Variants in LEKR1 observed in about 807,000 individuals in gnomAD.
LEKR1 encodes the protein protein LEKR1.
A neutral mutation model predicts 72.4 loss-of-function variants in LEKR1; 59 were observed. The observed-to-expected ratio is 0.82, with a 90% CI of 0.66 to 1.01. The LOEUF (loss-of-function observed/expected upper bound fraction) is 1.01. LEKR1 is among the 50% of genes least tolerant of loss of function. The pLI is 0.00. For synonymous variants in LEKR1, 257 were observed against 263.2 expected (o/e 0.98, Z 0.23); for missense variants, 728 against 759.2 (o/e 0.96, Z 0.48).
chr3:156,896,404 G>A (rs944468248), intron 3 of LEKR1, among the ~76,000 whole-genome samples: 2 of 151,958 alleles, frequency 1.3e-5, no homozygotes, highest in Middle Eastern at 3.2e-3. Flanking sequence ...TTAACAGATG[G>A]CTATCTTCTC....
At position 156,979,288 on chromosome 3, in the gene LEKR1, A is replaced by G; in HGVS notation, c.827+13A>G. The G allele has an allele frequency of 8.3e-7, 1 of 1,204,846 alleles. No individual in the cohort carries two copies. 74.6% of individuals were successfully genotyped at this position (1,204,846 alleles called of 1,614,324 possible). ...AAGAAATGCTTATGTAAGATGGAGAATATTAAACAACTTATAACAGTGCTC... is the reference window on the plus strand; with the variant it reads ...AAGAAATGCTTATGTAAGATGGAGAGTATTAAACAACTTATAACAGTGCTC... On this transcript the variant is annotated intron_variant, in intron 7 of 12. Transcript: ENST00000356539.
chr3:156,974,510 G>A (rs916390873), intron 6 of LEKR1, among the ~76,000 whole-genome samples: 1 of 152,066 alleles, frequency 6.6e-6, no homozygotes, highest in Non-Finnish European at 1.5e-5. Context: ...CTGCAATTCA[G>A]TTTTTCTGCT....
chr3:157,012,281 T>C (rs1020892956), intron 10 of LEKR1, among the ~76,000 whole-genome samples: 11 of 152,230 alleles, frequency 7.2e-5, no homozygotes, highest in African/African-American at 2.2e-4. Flanking sequence ...CTGGTATCTA[T>C]GCCTAGCACT....
At chr3:156,833,515 A>C (rs757299385) in intron 2 of LEKR1, among the ~76,000 whole-genome samples, 2 of 152,190 alleles carry the variant, frequency 1.3e-5, no homozygotes, top group Non-Finnish European at 2.9e-5. Flanking sequence ...GTCATATTGA[A>C]ATTATAGGAA....
chr3:157,045,264 T>G (rs1409501722), intron 12 of LEKR1, 76 bp from the exon 13 acceptor site: 1 of 1,232,356 alleles, frequency 8.1e-7, no homozygotes, highest in Non-Finnish European at 1.1e-6. Context: ...GTTCTCAAAT[T>G]GTATTGTCCG....
chr3:156,889,655 G>T (rs976103845), intron 3 of LEKR1, among the ~76,000 whole-genome samples: 1 of 152,140 alleles, frequency 6.6e-6, no homozygotes, highest in Non-Finnish European at 1.5e-5. Context: ...TTGGGAATAT[G>T]TGTAAAGTTA....
intron 10 of LEKR1, among the ~76,000 whole-genome samples, chr3:157,017,948 C>CAAAAAAAAAAA (rs58950224): frequency 4.6e-4 from 38 of 82,832 alleles, no homozygotes; most frequent in African/African-American, 1.5e-3. Context: ...GACTCTGTCT[C>CAAAAAAAAAAA]AAAAAAAAAA....
intron 3 of LEKR1, among the ~76,000 whole-genome samples, chr3:156,911,300 ATTTTC>A (rs1464875487): frequency 7.1e-6 from 1 of 141,170 alleles, no homozygotes; most frequent in Non-Finnish European, 1.5e-5. Flanking sequence ...TTCTCAAAAA[ATTTTC>A]TTTGAGAAAT....
intron 2 of LEKR1, among the ~76,000 whole-genome samples, chr3:156,850,508 TTC>T (rs1333043455): frequency 2.0e-5 from 3 of 152,146 alleles, no homozygotes; most frequent in Admixed American, 1.3e-4. Flanking sequence ...GTTCCTTATT[TTC>T]TCTCTCTTTC....
chr3:156,946,097 C>T (rs1726653661), intron 6 of LEKR1, among the ~76,000 whole-genome samples: 1 of 151,428 alleles, frequency 6.6e-6, no homozygotes. Flanking sequence ...GAATATCTTT[C>T]CATTTTTTTG....
At chr3:157,011,635 C>T (rs957715344) in intron 10 of LEKR1, 129 bp downstream of exon 10, 1 of 670,328 alleles carries the variant, frequency 1.5e-6, no homozygotes, top group Non-Finnish European at 2.6e-6. Flanking sequence ...TCTGGAATTT[C>T]CTAGACCAGA....
intron 4 of LEKR1, among the ~76,000 whole-genome samples, chr3:156,926,265 CAATTT>C (rs1397082081): frequency 6.6e-6 from 1 of 151,892 alleles, no homozygotes; most frequent in East Asian, 1.9e-4. Context: ...GTTTCAAAGA[CAATTT>C]AATCACTTTC....
chr3:157,029,786 C>T (rs1734470744), intron 12 of LEKR1, among the ~76,000 whole-genome samples: 1 of 151,948 alleles, frequency 6.6e-6, no homozygotes. Context: ...TAGTGAATCT[C>T]TAGAGGAGGG....
intron 5 of LEKR1, among the ~76,000 whole-genome samples, chr3:156,934,085 A>G (rs978563540): frequency 6.6e-6 from 1 of 152,220 alleles, no homozygotes; most frequent in Non-Finnish European, 1.5e-5. Flanking sequence ...TGCTCTAGTT[A>G]AAGTTGTCTT....
At chr3:157,027,970 C>A in intron 11 of LEKR1, 133 bp from the exon 12 acceptor site, 1 of 521,956 alleles carries the variant, frequency 1.9e-6, no homozygotes, top group Non-Finnish European at 3.4e-6. Context: ...TGAAGGCCTG[C>A]ACATCATGGG....
chr3:156,843,607 T>C (rs1268835537), intron 2 of LEKR1, among the ~76,000 whole-genome samples: 1 of 152,206 alleles, frequency 6.6e-6, no homozygotes, highest in Non-Finnish European at 1.5e-5. Flanking sequence ...CCTGTTTCAG[T>C]AAAGTAATTT....
At chr3:156,934,413 G>A (rs1725516183) in intron 5 of LEKR1, among the ~76,000 whole-genome samples, 2 of 152,084 alleles carry the variant, frequency 1.3e-5, no homozygotes, top group South Asian at 4.1e-4. Context: ...ATTCTCTAAG[G>A]TTTCTTAGTA....
At chr3:156,849,611 AC>A (rs1415421540) in intron 2 of LEKR1, among the ~76,000 whole-genome samples, 3 of 152,370 alleles carry the variant, frequency 2.0e-5, no homozygotes, top group African/African-American at 7.2e-5. Context: ...CCACATATCT[AC>A]AACTATCTGA....
chr3:156,909,558 G>A (rs1722900949), intron 3 of LEKR1, among the ~76,000 whole-genome samples: 2 of 151,528 alleles, frequency 1.3e-5, no homozygotes, highest in Admixed American at 6.6e-5. Flanking sequence ...GGCTGAGGCA[G>A]GAGAATCGTT....
Sources: allele counts gnomAD v4.1 joint callset (sites outside exome capture counted in the v4.1 genomes callset), GRCh38; gene constraint gnomAD v4.1.1; transcripts MANE v1.5; gene names NCBI Gene and HGNC (gene_info 2026-07-23, HGNC 2026-07-21).